ABRACL: variants seen among roughly 807,000 people sequenced by gnomAD.
The protein encoded by ABRACL is costars family protein ABRACL.
In ABRACL, 4 loss-of-function variants were observed where a neutral mutation model predicts 7.0. That is an observed-to-expected ratio of 0.57 (90% CI 0.28 to 1.30). The LOEUF (loss-of-function observed/expected upper bound fraction) is 1.30. ABRACL is among the 50% of genes most tolerant of loss of function. The pLI, the probability that ABRACL is intolerant of heterozygous loss-of-function variation, is 0.10. For synonymous variants in ABRACL, 30 were observed against 36.0 expected (o/e 0.83, Z 0.60); for missense variants, 104 against 97.3 (o/e 1.07, Z -0.29).
intron 2 of ABRACL, among the ~76,000 whole-genome samples, chr6:139,037,983 G>A (rs1048720605): frequency 2.6e-5 from 4 of 151,802 alleles, no homozygotes; most frequent in African/African-American, 9.7e-5. Flanking sequence ...CGCCATGTTG[G>A]CCAGGCTGGT....
chr6:139,033,654 C>T (rs1318824940), intron 1 of ABRACL, among the ~76,000 whole-genome samples: 3 of 152,222 alleles, frequency 2.0e-5, no homozygotes, highest in African/African-American at 4.8e-5. Flanking sequence ...TCCCCAGTGA[C>T]CTCCAGGAAG....
At chr6:139,031,830 A>G (rs1288109378) in intron 1 of ABRACL, among the ~76,000 whole-genome samples, 1 of 152,352 alleles carries the variant, frequency 6.6e-6, no homozygotes, top group East Asian at 1.9e-4. Flanking sequence ...TACCCAGGAT[A>G]CATGGGTTTA....
At chr6:139,030,155 T>C (rs973128192) in intron 1 of ABRACL, among the ~76,000 whole-genome samples, 2 of 148,850 alleles carry the variant, frequency 1.3e-5, no homozygotes, top group African/African-American at 5.2e-5. Context: ...CTCCTCATTG[T>C]TCTTTTCTTT....
chr6:139,029,827 TAC>T (rs1232034304), intron 1 of ABRACL, among the ~76,000 whole-genome samples: 2 of 152,206 alleles, frequency 1.3e-5, no homozygotes, highest in African/African-American at 4.8e-5. Context: ...ATTCCGGACA[TAC>T]CTATTCCAGT....
chr6:139,034,609 CATCTT>C (rs1786127976), intron 2 of ABRACL: 1 of 465,428 alleles, frequency 2.1e-6, no homozygotes. Flanking sequence ...TTTTTCAAAT[CATCTT>C]ATCTAAAATA....
chr6:139,038,892 A>G (rs1786203656), intron 2 of ABRACL, among the ~76,000 whole-genome samples: 2 of 152,206 alleles, frequency 1.3e-5, no homozygotes, highest in Admixed American at 1.3e-4. Context: ...TAAAACAATA[A>G]TACTCTATTT....
At chr6:139,035,337 T>C (rs556146633) in intron 2 of ABRACL, among the ~76,000 whole-genome samples, 1 of 152,298 alleles carries the variant, frequency 6.6e-6, no homozygotes, top group East Asian at 1.9e-4. Flanking sequence ...CGGGGACTCC[T>C]TTCTATAGGT....
Position 139,041,517 on chromosome 6 carries a change from A to G in ABRACL, c.62-1202A>G, listed in dbSNP as rs202158260. Among the ~76,000 whole-genome samples, 136 of 35,330 alleles carry G rather than the reference A, an allele frequency of 3.8e-3. 3 individuals are homozygous for G. The East Asian group carries it at 0.22, about 58-fold the overall frequency. The allele number at this position is 35,330 out of a possible 152,430, so 23.2% of individuals were successfully genotyped here. On this transcript the variant is annotated intron_variant, in intron 2 of 2. Transcript: ENST00000367660. ...TATGTGTGTGTGTGTGTGTGTGTAT[A>G]TATATATATATATATTTTTTTTTAG...
Position 139,042,875 on chromosome 6 carries a change from A to G in ABRACL, c.218A>G (p.Asp73Gly). The change falls in exon 3 of 3, where the codon GAT becomes GGT. Residue 73 changes from aspartate to glycine, a missense_variant. Coordinates refer to ENST00000367660, the MANE Select transcript of ABRACL (RefSeq NM_021243.3). Reference protein sequence around the residue: ...GELLLQGVHDDVDIILLQD With the variant: ...GELLLQGVHDGVDIILLQD ...CTGCTTCTGCAAGGTGTTCATGATG[A>G]TGTTGACATTATATTACTGCAAGAT... 6.2e-7 allele frequency: 1 copy of G among 1,612,452 alleles called. No individual in the cohort carries two copies.
intron 2 of ABRACL, chr6:139,034,655 G>T: frequency 3.0e-6 from 1 of 331,130 alleles, no homozygotes; most frequent in South Asian, 7.5e-5. Context: ...AAATGACTAG[G>T]GATTTACATT....
chr6:139,042,913 C>T lies in ABRACL; in HGVS notation c.*10C>T, dbSNP rs747355040. On this transcript the variant is annotated 3_prime_UTR_variant, in exon 3 of 3. Coordinates refer to ENST00000367660, the MANE Select transcript of ABRACL (RefSeq NM_021243.3). The stretch of plus-strand genomic sequence containing the variant: ...ATTACTGCAAGATTAATGTGGTTTA[C>T]ATATCTTTATGTACTGCCATTTTTT... 1.3e-6 allele frequency: 2 copies of T among 1,592,424 alleles called. No individual in the cohort carries two copies. The highest frequency in any genetic ancestry group is 3.5e-5 in the Admixed American group (2 of 56,412).
chr6:139,032,430 A>G (rs928361883), intron 1 of ABRACL, among the ~76,000 whole-genome samples: 1 of 152,246 alleles, frequency 6.6e-6, no homozygotes, highest in African/African-American at 2.4e-5. Flanking sequence ...AAGTTTTATG[A>G]AGATGCATTT....
intron 2 of ABRACL, among the ~76,000 whole-genome samples, chr6:139,041,529 A>ATTT (rs144355709): frequency 0.025 from 2,119 of 85,576 alleles, 87 homozygotes; most frequent in African/African-American, 0.12. Context: ...ATATATATAT[A>ATTT]TATTTTTTTT....
chr6:139,034,656 G>A (rs1165047040), intron 2 of ABRACL: 2 of 327,558 alleles, frequency 6.1e-6, no homozygotes, highest in African/African-American at 2.1e-5. Context: ...AATGACTAGG[G>A]ATTTACATTG....
intron 1 of ABRACL, among the ~76,000 whole-genome samples, chr6:139,033,134 C>A (rs557696208): frequency 6.6e-6 from 1 of 152,112 alleles, no homozygotes; most frequent in East Asian, 1.9e-4. Context: ...GGGTTGAAGC[C>A]ACAGTATGTG....
chr6:139,029,610 G>C (rs1377015458), intron 1 of ABRACL, among the ~76,000 whole-genome samples: 1 of 152,186 alleles, frequency 6.6e-6, no homozygotes, highest in Non-Finnish European at 1.5e-5. Flanking sequence ...ACCGTGTGAT[G>C]ATGGGCTGCA....
chr6:139,031,460 G>A (rs529621414), intron 1 of ABRACL, among the ~76,000 whole-genome samples: 49 of 152,192 alleles, frequency 3.2e-4, no homozygotes, highest in African/African-American at 1.1e-3. Context: ...AACTTTATGG[G>A]TCAAGATTCT....
intron 2 of ABRACL, among the ~76,000 whole-genome samples, chr6:139,041,531 A>ATATTTTTTTTTT (rs748288046): frequency 2.3e-4 from 29 of 126,036 alleles, no homozygotes; most frequent in African/African-American, 8.0e-4. Flanking sequence ...ATATATATAT[A>ATATTTTTTTTTT]TTTTTTTTTA....
intron 2 of ABRACL, among the ~76,000 whole-genome samples, chr6:139,038,164 C>CTAG (rs1332375361): frequency 6.6e-6 from 1 of 152,098 alleles, no homozygotes; most frequent in Non-Finnish European, 1.5e-5. Flanking sequence ...CCATATCAGC[C>CTAG]TAGTGTTTAT....
Sources: allele counts gnomAD v4.1 joint callset (sites outside exome capture counted in the v4.1 genomes callset), GRCh38; gene constraint gnomAD v4.1.1; transcripts MANE v1.5; gene names NCBI Gene and HGNC (gene_info 2026-07-23, HGNC 2026-07-21).